The following CEP43 variants were observed in gnomAD, a reference collection of about 807,000 sequenced individuals.
CEP43 encodes the protein FGFR1 oncogene partner.
A neutral mutation model predicts 52.6 loss-of-function variants in CEP43; 36 were observed. The ratio of observed to expected loss-of-function variants is 0.68; its 90% confidence interval spans 0.52 to 0.90. The LOEUF is 0.90. CEP43 is among the 40% of genes least tolerant of loss of function. The pLI, the probability that CEP43 is intolerant of heterozygous loss-of-function variation, is 0.00. For synonymous variants in CEP43, 192 were observed against 172.4 expected, an observed-to-expected ratio of 1.11 and a Z score of -0.89; for missense variants, 506 against 472.8, an observed-to-expected ratio of 1.07 and a Z score of -0.65.
Position 167,040,843 on chromosome 6 carries a change from C to T in CEP43, c.*865C>T. 1 of 1,024,014 alleles carries T rather than the reference C, an allele frequency of 9.8e-7. No individual in the cohort carries two copies. Among genetic ancestry groups the T allele is most frequent in the Non-Finnish European group, 1.2e-6 (1 of 852,720 alleles). 63.4% of individuals were successfully genotyped at this position (1,024,014 alleles called of 1,614,324 possible). A position where few individuals can be genotyped will look rare whatever the true frequency, so the allele number is the denominator to read the frequency against. On this transcript the variant is annotated 3_prime_UTR_variant, in exon 13 of 13. Coordinates refer to ENST00000366847, the MANE Select transcript of CEP43 (RefSeq NM_007045.4). ...ATTGGAATGAAATAGTAGTAATGGC[C>T]TAAGACCATGTTCAGTTTGACAAGC...
intron 5 of CEP43, among the ~76,000 whole-genome samples, chr6:167,005,542 G>A (rs942836212): frequency 2.6e-5 from 4 of 152,352 alleles, no homozygotes; most frequent in African/African-American, 7.2e-5. Flanking sequence ...AAGTTGGAAC[G>A]GTGCCAGCCA....
chr6:167,023,795 C>T (rs1276711209), intron 8 of CEP43, among the ~76,000 whole-genome samples: 3 of 152,088 alleles, frequency 2.0e-5, no homozygotes, highest in African/African-American at 7.2e-5. Flanking sequence ...TGGATTTAGC[C>T]ATCTGGAGGT....
At chr6:167,033,010 A>C (rs1780503356) in intron 11 of CEP43, among the ~76,000 whole-genome samples, 1 of 151,990 alleles carries the variant, frequency 6.6e-6, no homozygotes. Context: ...ATTGACCTAA[A>C]ATAATTATGC....
chr6:167,034,539 C>A (rs1472098740), intron 12 of CEP43, among the ~76,000 whole-genome samples: 1 of 152,160 alleles, frequency 6.6e-6, no homozygotes, highest in Admixed American at 6.5e-5. Flanking sequence ...CTGTCAGTAC[C>A]CACTTCAAGC....
chr6:167,044,614 CCT>C lies in CEP43; in HGVS notation c.*4637_*4638del, dbSNP rs1780763952. 3 of 876,280 alleles carry C rather than the reference CCT, an allele frequency of 3.4e-6. No individual in the cohort carries two copies. Among genetic ancestry groups the C allele is most frequent in the Non-Finnish European group, 4.1e-6 (3 of 730,508 alleles). The allele number at this position is 876,280 out of a possible 1,614,324, so 54.3% of individuals were successfully genotyped here. ...GCGTTTTTGAATGTGAAATTTATTC[CCT>C]GATACATGTTTTTAAAAATGAATCT... On this transcript the variant is annotated 3_prime_UTR_variant, in exon 13 of 13. Transcript: ENST00000366847.
intron 7 of CEP43, among the ~76,000 whole-genome samples, chr6:167,020,618 C>T (rs375284527): frequency 1.2e-4 from 19 of 152,192 alleles, no homozygotes; most frequent in Admixed American, 5.9e-4. Flanking sequence ...TAAGATTACA[C>T]GGGCCATGTA....
chr6:167,020,849 C>T (rs991973324), intron 7 of CEP43, among the ~76,000 whole-genome samples: 3 of 142,080 alleles, frequency 2.1e-5, no homozygotes, highest in African/African-American at 7.9e-5. Context: ...GCGGAGGTTG[C>T]AGTTAGCCCA....
At chr6:167,007,858 C>T (rs1366998831) in intron 5 of CEP43, among the ~76,000 whole-genome samples, 3 of 152,166 alleles carry the variant, frequency 2.0e-5, no homozygotes, top group Non-Finnish European at 4.4e-5. Context: ...TTTTCTGAGC[C>T]CCTCAATGGA....
At chr6:167,014,152 A>G (rs1780043358) in intron 7 of CEP43, among the ~76,000 whole-genome samples, 1 of 152,234 alleles carries the variant, frequency 6.6e-6, no homozygotes, top group African/African-American at 2.4e-5. Context: ...GGATGATTAT[A>G]TACATATTAG....
rs1408980408 is a variant in CEP43, at chr6:167,049,293, A to G, written c.*9315A>G. The stretch of plus-strand genomic sequence containing the variant: ...AAATTTTATGAACTTCAAGTGCTAT[A>G]AAACAATTACCACAGTAAATTTTGA... On this transcript the variant is annotated 3_prime_UTR_variant, in exon 13 of 13. Coordinates refer to ENST00000366847, the MANE Select transcript of CEP43 (RefSeq NM_007045.4). The G allele has an allele frequency of 6.6e-6, 1 of 152,384 alleles. No homozygotes were observed. Among genetic ancestry groups the G allele is most frequent in the African/African-American group, 2.4e-5 (1 of 41,596 alleles). 9.4% of individuals were successfully genotyped at this position (152,384 alleles called of 1,614,324 possible). A position where few individuals can be genotyped will look rare whatever the true frequency, so the allele number is the denominator to read the frequency against.
In CEP43 at chr6:167,040,339, G is replaced by T; in HGVS notation, c.*361G>T. On this transcript the variant is annotated 3_prime_UTR_variant, in exon 13 of 13. Transcript: ENST00000366847. ...GCAACCCTTTGTGTGTGTGGCTGCT[G>T]GTACGTGTGATCTTTGAAAACCTTG... The T allele has an allele frequency of 7.1e-7, 1 of 1,411,876 alleles. No homozygotes were observed. Among genetic ancestry groups the T allele is most frequent in the Non-Finnish European group, 9.2e-7 (1 of 1,088,658 alleles). The allele number at this position is 1,411,876 out of a possible 1,614,324, so 87.5% of individuals were successfully genotyped here. A position where few individuals can be genotyped will look rare whatever the true frequency, so the allele number is the denominator to read the frequency against.
chr6:167,022,389 C>T lies in CEP43; in HGVS notation c.580-20C>T, dbSNP rs769491819. On this transcript the variant is annotated intron_variant, in intron 7 of 12. Coordinates refer to ENST00000366847, the MANE Select transcript of CEP43 (RefSeq NM_007045.4). The stretch of plus-strand genomic sequence containing the variant: ...TTTTATCTCACCAAGGAGGCCTTTT[C>T]TCTTTCCCTCTCTTTCTAGAAGGCC... 1.3e-6 allele frequency: 2 copies of T among 1,563,070 alleles called. No homozygotes were observed. The highest frequency in any genetic ancestry group is 2.7e-5 in the African/African-American group (2 of 73,490).
Position 167,040,597 on chromosome 6 carries a change from A to G in CEP43, c.*619A>G. 2 of 1,047,724 alleles carry G rather than the reference A, an allele frequency of 1.9e-6. No individual in the cohort carries two copies. Among genetic ancestry groups the G allele is most frequent in the East Asian group, 5.7e-5 (1 of 17,682 alleles). 64.9% of individuals were successfully genotyped at this position (1,047,724 alleles called of 1,614,324 possible). On this transcript the variant is annotated 3_prime_UTR_variant, in exon 13 of 13. Coordinates refer to ENST00000366847, the MANE Select transcript of CEP43 (RefSeq NM_007045.4). ...TGTGCTATTTAGTTTTGCTTGTTTTAAAGAAATCTAGAAGTGGTTATGAGT... is the reference window on the plus strand; with the variant it reads ...TGTGCTATTTAGTTTTGCTTGTTTTGAAGAAATCTAGAAGTGGTTATGAGT...
At position 167,046,470 on chromosome 6, in the gene CEP43, G is replaced by C. The variant is rs1446268868; in HGVS notation, c.*6492G>C. The C allele has an allele frequency of 6.6e-6, 1 of 152,266 alleles. No individual in the cohort carries two copies. The highest frequency in any genetic ancestry group is 6.5e-5 in the Admixed American group (1 of 15,290). 9.4% of individuals were successfully genotyped at this position (152,266 alleles called of 1,614,324 possible). A position where few individuals can be genotyped will look rare whatever the true frequency, so the allele number is the denominator to read the frequency against. ...AACCTCTTTGTAGTAAGTTCTGGCAGAAGGTGTGTTTCTGGAGTTAAACTA... is the reference window on the plus strand; with the variant it reads ...AACCTCTTTGTAGTAAGTTCTGGCACAAGGTGTGTTTCTGGAGTTAAACTA... On this transcript the variant is annotated 3_prime_UTR_variant, in exon 13 of 13. Coordinates refer to ENST00000366847, the MANE Select transcript of CEP43 (RefSeq NM_007045.4).
At chr6:167,030,772 T>G (rs1372003979) in intron 10 of CEP43, among the ~76,000 whole-genome samples, 1 of 152,170 alleles carries the variant, frequency 6.6e-6, no homozygotes, top group Non-Finnish European at 1.5e-5. Flanking sequence ...CACATATTTC[T>G]TCTGGCGGTG....
intron 4 of CEP43, chr6:167,004,036 T>C (rs1383352836): frequency 6.7e-6 from 4 of 593,610 alleles, no homozygotes; most frequent in Admixed American, 3.3e-5. Context: ...AGTGTTACTA[T>C]AGAGTTAATT....
intron 3 of CEP43, 63 bp downstream of exon 3, chr6:167,003,310 G>A: frequency 1.1e-6 from 1 of 874,326 alleles, no homozygotes; most frequent in Non-Finnish European, 1.7e-6. Context: ...ATACCATTTG[G>A]GAGAAATCAG....
At chr6:167,030,959 G>A (rs978601439) in intron 10 of CEP43, among the ~76,000 whole-genome samples, 4 of 151,618 alleles carry the variant, frequency 2.6e-5, no homozygotes, top group African/African-American at 9.7e-5. Context: ...CCTTCTGATC[G>A]CCACTCCTTT....
In CEP43 at chr6:167,040,688, G is replaced by A. The variant is rs935039033; in HGVS notation, c.*710G>A. ...GTCATTCCTCCTGTTATCCATGTAA[G>A]CAGCTTTAGTCGTAGGTTCTCTTCA... On this transcript the variant is annotated 3_prime_UTR_variant, in exon 13 of 13. Coordinates refer to ENST00000366847, the MANE Select transcript of CEP43 (RefSeq NM_007045.4). 8.8e-6 allele frequency: 9 copies of A among 1,021,786 alleles called. No homozygotes were observed. In the East Asian group the frequency reaches 3.2e-4, roughly 36 times the overall value. 63.3% of individuals were successfully genotyped at this position (1,021,786 alleles called of 1,614,324 possible).
Sources: gnomAD v4.1 joint callset for allele counts (sites outside exome capture counted in the v4.1 genomes callset) on GRCh38, gnomAD v4.1.1 for gene constraint, MANE v1.5 for transcripts, NCBI Gene and HGNC (gene_info 2026-07-23, HGNC 2026-07-21) for gene names.